DTD1: variants seen among roughly 807,000 people sequenced by gnomAD.
The protein encoded by DTD1 is D-tyrosyl-tRNA deacylase 1 homolog.
In DTD1, 13 loss-of-function variants were observed where a neutral mutation model predicts 25.6. The ratio of observed to expected loss-of-function variants is 0.51; its 90% CI spans 0.33 to 0.81. DTD1 has a LOEUF of 0.81. Ranked by LOEUF, DTD1 falls within the 30% of genes least tolerant of loss-of-function variation. The pLI is 0.02. For missense variants in DTD1, 193 were observed against 266.4 expected, an observed-to-expected ratio of 0.72 and a Z score of 1.92; for synonymous variants, 110 against 103.6, an observed-to-expected ratio of 1.06 and a Z score of -0.37.
At chr20:18,706,352 G>A (rs1177109341) in intron 4 of DTD1, among the ~76,000 whole-genome samples, 1 of 152,156 alleles carries the variant, frequency 6.6e-6, no homozygotes, top group Non-Finnish European at 1.5e-5. Context: ...ACCTTTTTAT[G>A]AAAAGCATCA....
chr20:18,619,447 C>T (rs530781467), intron 3 of DTD1, among the ~76,000 whole-genome samples: 19 of 151,870 alleles, frequency 1.3e-4, no homozygotes, highest in South Asian at 4.2e-4. Context: ...TTTTTGGAGA[C>T]GGAGTGTCAC....
intron 4 of DTD1, among the ~76,000 whole-genome samples, chr20:18,741,446 T>G (rs570655039): frequency 6.6e-6 from 1 of 152,350 alleles, no homozygotes; most frequent in East Asian, 1.9e-4. Flanking sequence ...CACTGATTAG[T>G]AACTCTGCTC....
At chr20:18,619,695 G>A (rs754872016) in intron 3 of DTD1, among the ~76,000 whole-genome samples, 1 of 152,190 alleles carries the variant, frequency 6.6e-6, no homozygotes, top group Non-Finnish European at 1.5e-5. Flanking sequence ...AAAGTGCTGG[G>A]ATTACAGGGG....
At chr20:18,664,855 A>G (rs993765238) in intron 4 of DTD1, among the ~76,000 whole-genome samples, 1 of 151,962 alleles carries the variant, frequency 6.6e-6, no homozygotes, top group African/African-American at 2.4e-5. Flanking sequence ...AGGCATCTAG[A>G]GCTAGGTTAG....
intron 5 of DTD1, among the ~76,000 whole-genome samples, chr20:18,752,095 C>T (rs1007310134): frequency 2.0e-5 from 3 of 151,964 alleles, no homozygotes; most frequent in Non-Finnish European, 4.4e-5. Flanking sequence ...CCTTACCCCA[C>T]CCCCAGCCCC....
At chr20:18,672,677 G>A (rs6136462) in intron 4 of DTD1, among the ~76,000 whole-genome samples, 47,724 of 152,016 alleles carry the variant, frequency 0.31, 8,014 homozygotes, top group Non-Finnish European at 0.38. Flanking sequence ...TACTATTCAA[G>A]TTATCTTCTC....
chr20:18,657,395 G>A (rs541858077), intron 4 of DTD1, among the ~76,000 whole-genome samples: 3 of 152,318 alleles, frequency 2.0e-5, no homozygotes, highest in South Asian at 2.1e-4. Flanking sequence ...AGAACCTCTA[G>A]TAATTTTGGA....
At chr20:18,624,395 C>T (rs565782044) in intron 3 of DTD1, among the ~76,000 whole-genome samples, 1 of 152,290 alleles carries the variant, frequency 6.6e-6, no homozygotes, top group South Asian at 2.1e-4. Context: ...AATTACAGGC[C>T]AAGATTAATT....
Position 18,593,751 on chromosome 20 carries a change from G to GC in DTD1, c.66dup (p.Ile23HisfsTer34). The GC allele has an allele frequency of 6.2e-7, 1 of 1,613,978 alleles. No individual in the cohort carries two copies. Among genetic ancestry groups the GC allele is most frequent in the Non-Finnish European group, 8.5e-7 (1 of 1,179,894 alleles). ...TCTAGTTGGAGGAGAGCAGATTAGT[G>GC]CCATTGGAAGGGGCATATGTGTGTT... On this transcript the variant is annotated frameshift_variant, in exon 2 of 6. Coordinates refer to ENST00000377452, the MANE Select transcript of DTD1 (RefSeq NM_080820.6). LOFTEE classifies it high-confidence loss of function.
At chr20:18,727,525 G>A (rs149560571) in intron 4 of DTD1, among the ~76,000 whole-genome samples, 1 of 152,178 alleles carries the variant, frequency 6.6e-6, no homozygotes, top group Non-Finnish European at 1.5e-5. Context: ...GGATCTGGGT[G>A]GGGAGAGACG....
intron 4 of DTD1, among the ~76,000 whole-genome samples, chr20:18,705,315 A>G (rs1476321251): frequency 2.0e-5 from 3 of 152,210 alleles, no homozygotes; most frequent in Non-Finnish European, 4.4e-5. Flanking sequence ...ATCTGAGTTC[A>G]TCACTATCCT....
chr20:18,687,011 C>A (rs1340550250), intron 4 of DTD1, among the ~76,000 whole-genome samples: 2 of 152,144 alleles, frequency 1.3e-5, no homozygotes, highest in Non-Finnish European at 2.9e-5. Flanking sequence ...AGCTTAGATT[C>A]TGGTCTATTG....
intron 4 of DTD1, among the ~76,000 whole-genome samples, chr20:18,651,666 C>A (rs1363521309): frequency 2.0e-5 from 3 of 152,188 alleles, no homozygotes; most frequent in Admixed American, 2.0e-4. Context: ...TGGGCCCCTC[C>A]CCAAAACGGT....
intron 4 of DTD1, chr20:18,698,332 A>T (rs1190207263): frequency 2.0e-5 from 3 of 152,172 alleles, no homozygotes; most frequent in Non-Finnish European, 4.4e-5. Context: ...GGCAGCTCTG[A>T]TTTTGTCAAC....
intron 4 of DTD1, among the ~76,000 whole-genome samples, chr20:18,650,702 G>A (rs188845281): frequency 5.3e-4 from 81 of 152,330 alleles, no homozygotes; most frequent in Non-Finnish European, 9.4e-4. Flanking sequence ...GCAAGAGGCA[G>A]CTCAGAATTG....
chr20:18,746,522 A>T (rs1054985687), intron 5 of DTD1, among the ~76,000 whole-genome samples: 1 of 136,374 alleles, frequency 7.3e-6, no homozygotes, highest in Non-Finnish European at 1.6e-5. Context: ...ACATGGTGAG[A>T]CCCCCGTCTC....
chr20:18,629,909 G>A (rs909012901), intron 4 of DTD1, among the ~76,000 whole-genome samples: 1 of 151,946 alleles, frequency 6.6e-6, no homozygotes, highest in Non-Finnish European at 1.5e-5. Context: ...ACTGTCACGA[G>A]AACAGCAAGG....
At chr20:18,746,966 G>T (rs1482371214) in intron 5 of DTD1, among the ~76,000 whole-genome samples, 1 of 152,154 alleles carries the variant, frequency 6.6e-6, no homozygotes, top group Non-Finnish European at 1.5e-5. Context: ...GTATGCATGG[G>T]ACACTGAAGG....
At chr20:18,673,441 T>C (rs1266035963) in intron 4 of DTD1, among the ~76,000 whole-genome samples, 1 of 152,202 alleles carries the variant, frequency 6.6e-6, no homozygotes, top group Non-Finnish European at 1.5e-5. Flanking sequence ...CCTGCTCTTA[T>C]ATAATGTAAA....
Sources: gnomAD v4.1 joint callset for allele counts (sites outside exome capture counted in the v4.1 genomes callset) on GRCh38, gnomAD v4.1.1 for gene constraint, MANE v1.5 for transcripts, NCBI Gene and HGNC (gene_info 2026-07-23, HGNC 2026-07-21) for gene names.